Variants in SCFD2 observed in about 807,000 individuals in gnomAD.
SCFD2 encodes the protein sec1 family domain-containing protein 2.
A neutral mutation model predicts 58.9 loss-of-function variants in SCFD2; 54 were observed. The ratio of observed to expected loss-of-function variants is 0.92; its 90% CI spans 0.74 to 1.15. The LOEUF (loss-of-function observed/expected upper bound fraction) is 1.15. Among genes scored for constraint, SCFD2 ranks in the 50% most tolerant of loss-of-function variants. The probability of loss-of-function intolerance (pLI) is 0.00; values close to 1 mark genes in which losing one functional copy is unlikely to be tolerated. For synonymous variants in SCFD2, 321 were observed against 335.9 expected (o/e 0.96, Z 0.49); for missense variants, 805 against 836.6 (o/e 0.96, Z 0.47).
chr4:52,976,282 T>C (rs1273289314), intron 5 of SCFD2, among the ~76,000 whole-genome samples: 1 of 152,200 alleles, frequency 6.6e-6, no homozygotes. Context: ...AGGCTGCTAT[T>C]GTATTCAAAT....
At chr4:52,909,324 G>T (rs1162669488) in intron 6 of SCFD2, among the ~76,000 whole-genome samples, 1 of 152,288 alleles carries the variant, frequency 6.6e-6, no homozygotes, top group East Asian at 1.9e-4. Context: ...AATAAATGGG[G>T]TGCATCCACA....
chr4:53,334,725 C>T (rs1325484730), intron 2 of SCFD2, among the ~76,000 whole-genome samples: 1 of 151,916 alleles, frequency 6.6e-6, no homozygotes, highest in African/African-American at 2.4e-5. Context: ...ACAATGTGCA[C>T]ATGTACCCTA....
intron 4 of SCFD2, among the ~76,000 whole-genome samples, chr4:53,252,721 G>T (rs1246378152): frequency 6.6e-6 from 1 of 152,122 alleles, no homozygotes; most frequent in Non-Finnish European, 1.5e-5. Context: ...TTACACCTTA[G>T]AGAAAAATTA....
At chr4:53,230,998 A>G (rs895501253) in intron 4 of SCFD2, among the ~76,000 whole-genome samples, 11 of 152,078 alleles carry the variant, frequency 7.2e-5, no homozygotes, top group African/African-American at 2.7e-4. Flanking sequence ...TAAGTTATAA[A>G]ATGTCAGTCT....
chr4:53,313,842 A>T (rs1227304764), intron 2 of SCFD2, 79 bp from the exon 3 acceptor site: 63 of 1,399,470 alleles, frequency 4.5e-5, no homozygotes, highest in Non-Finnish European at 5.0e-6. Context: ...AATACTTTTT[A>T]AAATATATTT....
intron 5 of SCFD2, among the ~76,000 whole-genome samples, chr4:52,962,974 G>C (rs371660829): frequency 6.9e-4 from 105 of 152,304 alleles, no homozygotes; most frequent in African/African-American, 2.5e-3. Context: ...GGAATAGAAA[G>C]AAGGGCCAAG....
chr4:53,248,637 T>A (rs535773984), intron 4 of SCFD2, among the ~76,000 whole-genome samples: 1 of 152,060 alleles, frequency 6.6e-6, no homozygotes, highest in African/African-American at 2.4e-5. Flanking sequence ...GCAGCCTAAG[T>A]GGGAGACACC....
chr4:53,334,536 G>A (rs932388814), intron 2 of SCFD2, among the ~76,000 whole-genome samples: 61 of 148,474 alleles, frequency 4.1e-4, no homozygotes, highest in Non-Finnish European at 7.3e-4. Flanking sequence ...TCACTCATAG[G>A]TGGGAATTGA....
At chr4:53,303,310 T>G (rs1732383015) in intron 3 of SCFD2, among the ~76,000 whole-genome samples, 1 of 152,164 alleles carries the variant, frequency 6.6e-6, no homozygotes, top group African/African-American at 2.4e-5. Flanking sequence ...CAGACACTTC[T>G]CAAAAGAAGA....
rs562377638 is a variant in SCFD2 at position 53,328,835 on chromosome 4, A to G, written c.1008-15072T>C. 1.1e-4 allele frequency among the ~76,000 whole-genome samples: 17 copies of G among 152,240 alleles called. No homozygotes were observed. In the South Asian group the frequency reaches 2.5e-3, roughly 22 times the overall value. On this transcript the variant is annotated intron_variant, in intron 2 of 8. Transcript: ENST00000401642. ...TTTCTGCATTTCCATCTGAGGTACC[A>G]GGTTCATCTCACTAGGGAGTGCCAG...
At chr4:52,994,634 A>C (rs73250920) in intron 5 of SCFD2, among the ~76,000 whole-genome samples, 1 of 152,130 alleles carries the variant, frequency 6.6e-6, no homozygotes, top group Non-Finnish European at 1.5e-5. Flanking sequence ...CCAGGGCTCT[A>C]GCCCTTCCTC....
At chr4:53,095,024 C>T (rs1341838356) in intron 5 of SCFD2, among the ~76,000 whole-genome samples, 3 of 152,118 alleles carry the variant, frequency 2.0e-5, no homozygotes, top group Non-Finnish European at 4.4e-5. Context: ...TATTAGTTTT[C>T]CTCCTAATTC....
intron 3 of SCFD2, among the ~76,000 whole-genome samples, chr4:53,298,753 G>A (rs1292859514): frequency 6.6e-6 from 1 of 152,150 alleles, no homozygotes; most frequent in Non-Finnish European, 1.5e-5. Flanking sequence ...AAAACTTCCA[G>A]AGGAACGATC....
intron 5 of SCFD2, among the ~76,000 whole-genome samples, chr4:53,071,178 T>C (rs1427567197): frequency 3.3e-5 from 5 of 152,142 alleles, no homozygotes; most frequent in Non-Finnish European, 5.9e-5. Flanking sequence ...ATAGGCTTAG[T>C]GAAGTAAAAC....
Position 53,352,038 on chromosome 4 carries a change from C to T in SCFD2, c.1007+560G>A, listed in dbSNP as rs190153242. ...ATGAAGGACAAAGTTGAGAAAGTGA[C>T]TATCATATATTTTCATTGTCATTTC... is the stretch of plus-strand genomic sequence containing the variant. On this transcript the variant is annotated intron_variant, in intron 2 of 8. Transcript: ENST00000401642. Among the ~76,000 whole-genome samples, 43 of 152,026 alleles carry T rather than the reference C, an allele frequency of 2.8e-4. No individual in the cohort carries two copies. The East Asian group carries it at 3.5e-3, about 12-fold the overall frequency.
intron 3 of SCFD2, among the ~76,000 whole-genome samples, chr4:53,283,428 A>T (rs1731566598): frequency 1.3e-5 from 2 of 152,182 alleles, no homozygotes; most frequent in Non-Finnish European, 2.9e-5. Flanking sequence ...ATTCTAAGAC[A>T]TGCCTTTCAG....
chr4:52,997,723 G>A (rs1721775401), intron 5 of SCFD2, among the ~76,000 whole-genome samples: 1 of 152,200 alleles, frequency 6.6e-6, no homozygotes, highest in South Asian at 2.1e-4. Context: ...TCTATATGGT[G>A]TAACCCCCTC....
intron 5 of SCFD2, among the ~76,000 whole-genome samples, chr4:52,931,425 G>C (rs1446518866): frequency 6.6e-6 from 1 of 152,140 alleles, no homozygotes; most frequent in African/African-American, 2.4e-5. Flanking sequence ...GAGAAAACAA[G>C]GTACACAAAA....
chr4:53,129,891 T>G (rs1359637917), intron 5 of SCFD2, among the ~76,000 whole-genome samples: 2 of 152,186 alleles, frequency 1.3e-5, no homozygotes, highest in African/African-American at 4.8e-5. Context: ...TACCTTCACC[T>G]GGAAAGCATA....
Sources: allele counts gnomAD v4.1 joint callset (sites outside exome capture counted in the v4.1 genomes callset), GRCh38; gene constraint gnomAD v4.1.1; transcripts MANE v1.5; gene names NCBI Gene and HGNC (gene_info 2026-07-23, HGNC 2026-07-21).